Variants in RORA observed in about 807,000 individuals in gnomAD.
RORA encodes the protein RAR related orphan receptor A, also known as nuclear receptor ROR-alpha.
RORA carries 7 observed loss-of-function variants against 69.5 expected under a neutral mutation model. The ratio of observed to expected loss-of-function variants is 0.10; its 90% CI spans 0.06 to 0.19. The LOEUF is 0.19. RORA is among the 10% of genes least tolerant of loss of function. The pLI is 1.00. For synonymous variants in RORA, 261 were observed against 240.8 expected (o/e 1.08, Z -0.78); for missense variants, 457 against 663.0 (o/e 0.69, Z 3.41).
rs143382305 is a variant in RORA, at chr15:61,106,327, C to T, written c.166+122726G>A. Among the ~76,000 whole-genome samples, 558 of 152,286 alleles carry T rather than the reference C, an allele frequency of 3.7e-3. 5 individuals carry two copies. Among genetic ancestry groups the T allele is most frequent in the African/African-American group, 0.013 (534 of 41,566 alleles). On this transcript the variant is annotated intron_variant, in intron 1 of 10. Transcript: ENST00000335670. ...ATTGCCTTGATGAGGTGAGACCATA[C>T]AGAATTGAGTTTTAATTGTGTGCTA...
rs71122860 is a variant in RORA, at chr15:60,493,949, T to TCACACA, written c.*3500_*3505dup. The TCACACA allele has an allele frequency of 0.042, 6,073 of 143,992 alleles. 134 individuals are homozygous for TCACACA. The highest frequency in any genetic ancestry group is 0.059 in the African/African-American group (2,247 of 38,064). The allele number at this position is 143,992 out of a possible 1,614,324, so 8.9% of individuals were successfully genotyped here. A position where few individuals can be genotyped will look rare whatever the true frequency, so the allele number is the denominator to read the frequency against. ...CGCACACACATCATACACATGCAAA[T>TCACACA]CACACACACACACACACACACACAC... On this transcript the variant is annotated 3_prime_UTR_variant, in exon 11 of 11. Coordinates refer to ENST00000335670, the MANE Select transcript of RORA (RefSeq NM_134261.3).
At chr15:60,798,328 T>A (rs1407571416) in intron 1 of RORA, among the ~76,000 whole-genome samples, 1 of 151,996 alleles carries the variant, frequency 6.6e-6, no homozygotes. Context: ...ATATACTTCA[T>A]AATTTATTTA....
At chr15:61,091,859 T>G (rs993388942) in intron 1 of RORA, among the ~76,000 whole-genome samples, 1 of 152,210 alleles carries the variant, frequency 6.6e-6, no homozygotes, top group Non-Finnish European at 1.5e-5. Context: ...TCCTGATTTG[T>G]TCCTACAAGG....
intron 1 of RORA, among the ~76,000 whole-genome samples, chr15:61,022,208 A>G (rs1224270333): frequency 6.6e-6 from 1 of 152,216 alleles, no homozygotes; most frequent in Non-Finnish European, 1.5e-5. Context: ...TAAAATCATG[A>G]TAACAAAATA....
rs552613584 is a variant in RORA, at chr15:60,654,155, G to A, written c.196+24502C>T. On this transcript the variant is annotated intron_variant, in intron 2 of 10. Transcript: ENST00000335670. ...CTTCTCACCGGCTAAGGACAGAGAAGTCTTATTTCTTCTCTTTGCAAATGA... is the reference window on the plus strand; with the variant it reads ...CTTCTCACCGGCTAAGGACAGAGAAATCTTATTTCTTCTCTTTGCAAATGA... Among the ~76,000 whole-genome samples, 5 of 152,308 alleles carry A rather than the reference G, an allele frequency of 3.3e-5. No individual in the cohort carries two copies. In the East Asian group the frequency reaches 9.6e-4, roughly 29 times the overall value.
chr15:61,011,800 G>T (rs750826497), intron 1 of RORA, among the ~76,000 whole-genome samples: 5 of 152,196 alleles, frequency 3.3e-5, no homozygotes, highest in Admixed American at 6.5e-5. Flanking sequence ...GCCCACTTAA[G>T]GATTCTTTCA....
chr15:60,841,095 C>T (rs2073191736), intron 1 of RORA: 1 of 985,030 alleles, frequency 1.0e-6, no homozygotes, highest in Non-Finnish European at 1.2e-6. Context: ...TCCCCGTGAG[C>T]ATTTTTTCAG....
chr15:60,578,970 A>G (rs1173485577), intron 2 of RORA, among the ~76,000 whole-genome samples: 2 of 151,256 alleles, frequency 1.3e-5, no homozygotes, highest in Non-Finnish European at 2.9e-5. Context: ...TCACCATGTT[A>G]GCCAAGATGG....
At chr15:61,212,239 GTTGT>G (rs1412619546) in intron 1 of RORA, among the ~76,000 whole-genome samples, 6 of 119,736 alleles carry the variant, frequency 5.0e-5, no homozygotes, top group Admixed American at 3.6e-4. Flanking sequence ...TGTAGAAAGG[GTTGT>G]TTGTTTGTTT....
intron 1 of RORA, among the ~76,000 whole-genome samples, chr15:61,124,336 C>T (rs531747148): frequency 1.3e-4 from 20 of 152,308 alleles, no homozygotes; most frequent in African/African-American, 4.6e-4. Context: ...ATCCCGACTG[C>T]GGTCTACCTC....
At position 60,490,049 on chromosome 15, in the gene RORA, C is replaced by G. The variant is rs550108922; in HGVS notation, c.*7406G>C. ...TCCATACTAAGGAAGTAATTTTATC[C>G]TAATTAAATACACTCTAGAATAATT... On this transcript the variant is annotated 3_prime_UTR_variant, in exon 11 of 11. Transcript: ENST00000335670. This position sits in a 1 kb window ranked among gnomAD's most constrained non-coding sequence, Gnocchi z 4.1. 6.6e-6 allele frequency: 1 copy of G among 151,742 alleles called. No individual in the cohort carries two copies. The highest frequency in any genetic ancestry group is 2.4e-5 in the African/African-American group (1 of 41,416). 9.4% of individuals were successfully genotyped at this position (151,742 alleles called of 1,614,324 possible).
intron 1 of RORA, among the ~76,000 whole-genome samples, chr15:60,923,268 C>T (rs1892105473): frequency 2.0e-5 from 3 of 152,322 alleles, no homozygotes; most frequent in South Asian, 2.1e-4. Flanking sequence ...GTTCTTACCA[C>T]GTTTTATTAA....
At chr15:61,205,600 C>T (rs1003522742) in intron 1 of RORA, among the ~76,000 whole-genome samples, 1 of 152,144 alleles carries the variant, frequency 6.6e-6, no homozygotes, top group Non-Finnish European at 1.5e-5. Context: ...GGAAGGGCAA[C>T]AGGATACCTA....
intron 1 of RORA, among the ~76,000 whole-genome samples, chr15:60,906,606 C>T (rs1173677329): frequency 2.0e-5 from 3 of 152,044 alleles, no homozygotes; most frequent in African/African-American, 7.2e-5. Context: ...TCTCTTTGGC[C>T]GTGTCAGAAA....
intron 1 of RORA, among the ~76,000 whole-genome samples, chr15:61,093,392 C>G (rs2078738226): frequency 6.6e-6 from 1 of 152,138 alleles, no homozygotes; most frequent in Admixed American, 6.5e-5. Flanking sequence ...AGGGCACCAG[C>G]CAAACAAATG....
chr15:60,805,485 G>A (rs546403858), intron 1 of RORA, among the ~76,000 whole-genome samples: 7 of 152,318 alleles, frequency 4.6e-5, no homozygotes, highest in Admixed American at 1.3e-4. Context: ...AGCACTTACC[G>A]GATGTGCAAC....
At chr15:60,808,014 G>A (rs1487403799) in intron 1 of RORA, among the ~76,000 whole-genome samples, 5 of 152,144 alleles carry the variant, frequency 3.3e-5, no homozygotes, top group African/African-American at 1.2e-4. Flanking sequence ...CATTGGCTTA[G>A]GCAAAGACTT....
chr15:60,977,412 C>T (rs913036865), intron 1 of RORA, among the ~76,000 whole-genome samples: 2 of 151,588 alleles, frequency 1.3e-5, no homozygotes, highest in African/African-American at 2.4e-5. Flanking sequence ...TATAATTATA[C>T]TTATTTTTAA....
chr15:60,647,634 C>T (rs1160454923), intron 2 of RORA, among the ~76,000 whole-genome samples: 1 of 152,094 alleles, frequency 6.6e-6, no homozygotes, highest in Non-Finnish European at 1.5e-5. Flanking sequence ...ATTTTTTTGT[C>T]TTTTAATCAC....
Sources: gnomAD v4.1 joint callset for allele counts (sites outside exome capture counted in the v4.1 genomes callset) on GRCh38, gnomAD v4.1.1 for gene constraint, Gnocchi (gnomAD v3.1) non-coding constraint, MANE v1.5 for transcripts, NCBI Gene and HGNC (gene_info 2026-07-23, HGNC 2026-07-21) for gene names.